MNX1: variants seen among roughly 807,000 people sequenced by gnomAD.
MNX1 encodes motor neuron and pancreas homeobox protein 1.
In MNX1, 2 loss-of-function variants were observed where a neutral mutation model predicts 17.3. The observed-to-expected ratio is 0.12, with a 90% CI of 0.05 to 0.36. The LOEUF (loss-of-function observed/expected upper bound fraction) is 0.36, where lower values mean the gene tolerates loss of function less well. Among genes scored for constraint, MNX1 ranks in the 10% least tolerant of loss-of-function variants. The pLI, the probability that MNX1 is intolerant of heterozygous loss-of-function variation, is 1.00. For missense variants in MNX1, 556 were observed against 564.7 expected (o/e 0.98, Z 0.16); for synonymous variants, 306 against 283.1 (o/e 1.08, Z -0.81).
Position 157,010,374 on chromosome 7 carries a change from AG to A in MNX1, c.-25del. 6.4e-7 allele frequency: 1 copy of A among 1,557,430 alleles called. No individual in the cohort carries two copies. The highest frequency in any genetic ancestry group is 1.8e-5 in the Admixed American group (1 of 55,284). ...ATCGGCTCGTTTGGGGCTGGCGCTC[AG>A]GGCCCGGTGGCGGGCGACGCGGCCG... On this transcript the variant is annotated 5_prime_UTR_variant, in exon 1 of 3. Coordinates refer to ENST00000252971, the MANE Select transcript of MNX1 (RefSeq NM_005515.4).
intron 1 of MNX1, chr7:157,009,333 G>T (rs1056869713): frequency 9.2e-6 from 13 of 1,412,982 alleles, no homozygotes; most frequent in Non-Finnish European, 1.2e-5. Context: ...AATTCAGGGC[G>T]CTCTCGGCTC....
rs533644826 is a variant in MNX1 at position 157,009,758 on chromosome 7, G to A, written c.593C>T (p.Ala198Val). Residue 198 changes from alanine to valine, a missense_variant, in exon 1 of 3, where the codon GCC becomes GTC. Around this residue, in one of 7 missense-constraint regions of MNX1, gnomAD observed 210 missense variants for 211.3 expected, o/e 0.99. Coordinates refer to ENST00000252971, the MANE Select transcript of MNX1 (RefSeq NM_005515.4). ...GCCGGCGCCCAGCTTGATGGGGTCG[G>A]CGGGGTGCGCGGGGTGCGCGCCTTG... ...QVQGAHPAHP[A>V]DPIKLGAGTF... 5.6e-6 allele frequency: 9 copies of A among 1,598,374 alleles called. No individual in the cohort carries two copies. The East Asian group carries it at 2.0e-4, about 36-fold the overall frequency.
rs190542814 is a variant in MNX1, at chr7:157,008,163, C to G, written c.691+1497G>C. On this transcript the variant is annotated intron_variant, in intron 1 of 2. Transcript: ENST00000252971. ...TCACTTTAATAAATTTTCTGAGTGACCCTGGGCTCCACGAAGCTCCAGAAA... is the reference window on the plus strand; with the variant it reads ...TCACTTTAATAAATTTTCTGAGTGAGCCTGGGCTCCACGAAGCTCCAGAAA... The G allele has an allele frequency of 5.2e-4, 79 of 152,346 alleles. No homozygotes were observed. In the East Asian group the frequency reaches 0.014, roughly 28 times the overall value. 9.4% of individuals were successfully genotyped at this position (152,346 alleles called of 1,614,324 possible). A position where few individuals can be genotyped will look rare whatever the true frequency, so the allele number is the denominator to read the frequency against.
In MNX1 at chr7:157,009,867, G is replaced by T; in HGVS notation, c.484C>A (p.Pro162Thr). Residue 162 changes from proline (P) to threonine (T), a missense_variant, in exon 1 of 3, where the codon CCG becomes ACG. Pro to Thr is a conservative substitution (Grantham distance 38, BLOSUM62 -1). Around this residue, in one of 7 missense-constraint regions of MNX1, gnomAD observed 210 missense variants for 211.3 expected, o/e 0.99. Coordinates refer to ENST00000252971, the MANE Select transcript of MNX1 (RefSeq NM_005515.4). ...GCCGCCGCGGAGTAGCCGTAGACCGGGTGGCCGTAGAGCGCCGCCTGCGCC... is the reference window on the plus strand; with the variant it reads ...GCCGCCGCGGAGTAGCCGTAGACCGTGTGGCCGTAGAGCGCCGCCTGCGCC... ...LPAQAALYGH[P>T]VYGYSAAAAA... 1 of 1,479,910 alleles carries T rather than the reference G, an allele frequency of 6.8e-7. No homozygotes were observed. Among genetic ancestry groups the T allele is most frequent in the Admixed American group, 2.3e-5 (1 of 43,522 alleles). The allele number at this position is 1,479,910 out of a possible 1,614,324, so 91.7% of individuals were successfully genotyped here.
chr7:157,005,462 G>T lies in MNX1; in HGVS notation c.*58C>A. ...GTGGGTGCGGGCGCCGGGGCCTCCG[G>T]GAGAAGCCGCCGGCCGGGGCGCTCC... On this transcript the variant is annotated 3_prime_UTR_variant, in exon 3 of 3. Coordinates refer to ENST00000252971, the MANE Select transcript of MNX1 (RefSeq NM_005515.4). 1 of 1,198,460 alleles carries T rather than the reference G, an allele frequency of 8.3e-7. No individual in the cohort carries two copies. Among genetic ancestry groups the T allele is most frequent in the Non-Finnish European group, 1.0e-6 (1 of 961,496 alleles). The allele number at this position is 1,198,460 out of a possible 1,614,324, so 74.2% of individuals were successfully genotyped here. A position where few individuals can be genotyped will look rare whatever the true frequency, so the allele number is the denominator to read the frequency against.
Position 157,010,406 on chromosome 7 carries a change from G to T in MNX1, c.-56C>A. On this transcript the variant is annotated 5_prime_UTR_variant, in exon 1 of 3. Transcript: ENST00000252971. ...GGTGGCGGGCGACGCGGCCGTGTGC[G>T]GGCTCGCGGAGTCAGTGCGTGCGGT... 1 of 1,463,590 alleles carries T rather than the reference G, an allele frequency of 6.8e-7. No homozygotes were observed. Among genetic ancestry groups the T allele is most frequent in the Middle Eastern group, 2.2e-4 (1 of 4,564 alleles). The allele number at this position is 1,463,590 out of a possible 1,614,324, so 90.7% of individuals were successfully genotyped here.
intron 2 of MNX1, 29 bp from the exon 3 acceptor site, chr7:157,005,902 G>A (rs886866048): frequency 8.1e-6 from 13 of 1,607,928 alleles, no homozygotes; most frequent in Non-Finnish European, 1.1e-5. Context: ...GTGAGAAACC[G>A]GCCACCGCCA....
chr7:157,008,045 G>A (rs1211412263), intron 1 of MNX1: 5 of 152,198 alleles, frequency 3.3e-5, no homozygotes, highest in Non-Finnish European at 7.4e-5. Context: ...TGGATTGCCA[G>A]GTGCAGATAC....
Position 157,010,267 on chromosome 7 carries a change from C to T in MNX1, c.84G>A (p.Leu28=), listed in dbSNP as rs757892988. 52 of 1,509,236 alleles carry T rather than the reference C, an allele frequency of 3.4e-5. No individual in the cohort carries two copies. The African/African-American group carries it at 6.6e-4, about 19-fold the overall frequency. 93.5% of individuals were successfully genotyped at this position (1,509,236 alleles called of 1,614,324 possible). The change falls in exon 1 of 3, where the codon CTG becomes CTA. Residue 28 remains leucine (L), a synonymous_variant. Coordinates refer to ENST00000252971, the MANE Select transcript of MNX1 (RefSeq NM_005515.4). The part of the protein sequence containing the change: ...PRAASAQSAP[L]ALVTSLAAAA... ...CGGCGGCGAGCGACGTGACCAAGGC[C>T]AGCGGCGCGCTCTGCGCAGAGGCGG...
In MNX1 at chr7:157,005,524, T is replaced by C; in HGVS notation, c.1202A>G (p.Gln401Arg). The C allele has an allele frequency of 6.7e-7, 1 of 1,502,586 alleles. No homozygotes were observed. The highest frequency in any genetic ancestry group is 1.3e-5 in the South Asian group (1 of 79,908). 93.1% of individuals were successfully genotyped at this position (1,502,586 alleles called of 1,614,324 possible). Reference protein sequence around the residue: ...PPRPSHQPAPQ With the variant: ...PPRPSHQPAPR ...ACCTGCTGGGCCGCGGGGCTCCTAC[T>C]GGGGCGCGGGCTGGTGGCTGGGCCG... Residue 401 changes from glutamine (Q) to arginine (R), a missense_variant, in exon 3 of 3, where the codon CAG becomes CGG. This residue lies in a region of MNX1 where 178 missense variants were observed against 155.2 expected (regional missense o/e 1.15). Transcript: ENST00000252971.
At position 157,006,474 on chromosome 7, in the gene MNX1, C is replaced by A. The variant is rs762284149; in HGVS notation, c.852+5G>T. On this transcript the variant is annotated splice_donor_5th_base_variant and intron_variant, in intron 2 of 2. Coordinates refer to ENST00000252971, the MANE Select transcript of MNX1 (RefSeq NM_005515.4). The surrounding 1 kb of genome is among the most constrained non-coding windows in gnomAD (Gnocchi z 6.3). ...GGATGCGTCGGGGGCGGGGAGGGCG[C>A]GCACCTGGGTCTCGGTGAGCATGAG... The A allele has an allele frequency of 1.9e-6, 3 of 1,608,344 alleles. No homozygotes were observed. The highest frequency in any genetic ancestry group is 2.2e-5 in the South Asian group (2 of 89,972).
Position 157,010,545 on chromosome 7 carries a change from G to A in MNX1, c.-195C>T. Reference sequence around the variant, plus strand: ...CCGGCGCCTCCTCCGTGCGGGCCCCGCCCCGGGCCGCGCTCGCACAAACTC... The same window carrying A: ...CCGGCGCCTCCTCCGTGCGGGCCCCACCCCGGGCCGCGCTCGCACAAACTC... On this transcript the variant is annotated 5_prime_UTR_variant, in exon 1 of 3. Coordinates refer to ENST00000252971, the MANE Select transcript of MNX1 (RefSeq NM_005515.4). The A allele has an allele frequency of 5.2e-6, 2 of 382,004 alleles. No individual in the cohort carries two copies. Among genetic ancestry groups the A allele is most frequent in the South Asian group, 6.0e-5 (1 of 16,724 alleles). 23.7% of individuals were successfully genotyped at this position (382,004 alleles called of 1,614,324 possible).
rs1805610009 is a variant in MNX1, at chr7:157,006,852, A to ATTTTTTTTTTT, written c.692-214_692-213insAAAAAAAAAAA. On this transcript the variant is annotated intron_variant, in intron 1 of 2. Coordinates refer to ENST00000252971, the MANE Select transcript of MNX1 (RefSeq NM_005515.4). This position sits in a 1 kb window ranked among gnomAD's most constrained non-coding sequence, Gnocchi z 6.3. ...TGGATAGTTTGGAGTTAATGAGACC[A>ATTTTTTTTTTT]ATTTTTTTTTTTTTTTTTGTCTAGG... 3 of 327,650 alleles carry ATTTTTTTTTTT rather than the reference A, an allele frequency of 9.2e-6. No individual in the cohort carries two copies. Among genetic ancestry groups the ATTTTTTTTTTT allele is most frequent in the African/African-American group, 7.2e-5 (1 of 13,888 alleles). 20.3% of individuals were successfully genotyped at this position (327,650 alleles called of 1,614,324 possible).
intron 1 of MNX1, chr7:157,009,213 C>A (rs1259295459): frequency 7.0e-5 from 102 of 1,447,050 alleles, no homozygotes; most frequent in Non-Finnish European, 8.1e-5. Context: ...GCTCCTGAAG[C>A]ACTCCCTCTC....
intron 1 of MNX1, among the ~76,000 whole-genome samples, chr7:157,007,369 A>G (rs1436659656): frequency 1.3e-5 from 2 of 151,378 alleles, no homozygotes; most frequent in African/African-American, 4.9e-5. Context: ...GGAAGGAAGG[A>G]AGGAAGGGAG....
chr7:157,010,382 G>A lies in MNX1; in HGVS notation c.-32C>T. 1 of 1,548,616 alleles carries A rather than the reference G, an allele frequency of 6.5e-7. No individual in the cohort carries two copies. Among genetic ancestry groups the A allele is most frequent in the South Asian group, 1.2e-5 (1 of 84,912 alleles). ...GTTTGGGGCTGGCGCTCAGGGCCCG[G>A]TGGCGGGCGACGCGGCCGTGTGCGG... On this transcript the variant is annotated 5_prime_UTR_variant, in exon 1 of 3. Transcript: ENST00000252971.
Position 157,010,163 on chromosome 7 carries a change from G to C in MNX1, c.188C>G (p.Ser63Trp). ...GTCGGCGGGCGCAGCCGGCGGCTCC[G>C]AGGACGCGGGGCTGCAGCTGCCGCT... ...GTSGSCSPAS[S>W]EPPAAPADRL... Residue 63 changes from serine to tryptophan, a missense_variant, in exon 1 of 3, where the codon TCG becomes TGG. Ser to Trp is a radical substitution (Grantham distance 177). Coordinates refer to ENST00000252971, the MANE Select transcript of MNX1 (RefSeq NM_005515.4). The C allele has an allele frequency of 7.0e-6, 8 of 1,134,894 alleles. No homozygotes were observed. The highest frequency in any genetic ancestry group is 7.6e-6 in the Non-Finnish European group (7 of 925,146). The allele number at this position is 1,134,894 out of a possible 1,614,324, so 70.3% of individuals were successfully genotyped here.
At position 157,005,510 on chromosome 7, in the gene MNX1, C is replaced by T; in HGVS notation, c.*10G>A. 1.4e-6 allele frequency: 2 copies of T among 1,436,690 alleles called. No individual in the cohort carries two copies. The highest frequency in any genetic ancestry group is 1.8e-6 in the Non-Finnish European group (2 of 1,101,934). The allele number at this position is 1,436,690 out of a possible 1,614,324, so 89.0% of individuals were successfully genotyped here. A position where few individuals can be genotyped will look rare whatever the true frequency, so the allele number is the denominator to read the frequency against. ...TCCGTGCGCGCCGCACCTGCTGGGC[C>T]GCGGGGCTCCTACTGGGGCGCGGGC... On this transcript the variant is annotated 3_prime_UTR_variant, in exon 3 of 3. Transcript: ENST00000252971.
rs760405477 is a variant in MNX1 at position 157,004,931 on chromosome 7, T to C, written c.*589A>G. ...TAAATAATAATTTAGCATGCATACG[T>C]AGACGTTTCTTTTTATATATAAATA... On this transcript the variant is annotated 3_prime_UTR_variant, in exon 3 of 3. Transcript: ENST00000252971. This position sits in a 1 kb window ranked among gnomAD's most constrained non-coding sequence, Gnocchi z 6.2. 2 of 202,972 alleles carry C rather than the reference T, an allele frequency of 9.9e-6. No individual in the cohort carries two copies. Among genetic ancestry groups the C allele is most frequent in the Non-Finnish European group, 1.0e-5 (1 of 98,664 alleles). 12.6% of individuals were successfully genotyped at this position (202,972 alleles called of 1,614,324 possible).
Sources: gnomAD v4.1 joint callset for allele counts (sites outside exome capture counted in the v4.1 genomes callset) on GRCh38, gnomAD v4.1.1 for gene constraint, gnomAD v4.1.1 regional missense constraint, Gnocchi (gnomAD v3.1) non-coding constraint, MANE v1.5 for transcripts, NCBI Gene and HGNC (gene_info 2026-07-23, HGNC 2026-07-21) for gene names.